The following RAPH1 variants were observed in gnomAD, a reference collection of about 807,000 sequenced individuals.
RAPH1 encodes the protein Ras association (RalGDS/AF-6) and pleckstrin homology domains 1.
A neutral mutation model predicts 88.1 loss-of-function variants in RAPH1; 18 were observed. That is an observed-to-expected ratio of 0.20 (90% CI 0.14 to 0.30). RAPH1 has a LOEUF of 0.30. Ranked by LOEUF, RAPH1 falls within the 10% of genes least tolerant of loss-of-function variation. The pLI is 1.00. For synonymous variants in RAPH1, 587 were observed against 559.0 expected (o/e 1.05, Z -0.71); for missense variants, 1,448 against 1,543.2 (o/e 0.94, Z 1.03).
At chr2:203,493,971 CAAAAAAAAAA>C (rs397937732) in intron 2 of RAPH1, among the ~76,000 whole-genome samples, 4 of 18,964 alleles carry the variant, frequency 2.1e-4, no homozygotes, top group Non-Finnish European at 3.6e-4. Flanking sequence ...GACTCTATCT[CAAAAAAAAAA>C]AAAAAAAAAA....
chr2:203,444,207 G>A (rs2098507117), intron 13 of RAPH1: 1 of 152,318 alleles, frequency 6.6e-6, no homozygotes, highest in Non-Finnish European at 1.5e-5. Flanking sequence ...GCTGAGGCAG[G>A]TGGATCTCGA....
rs866936883 is a variant in RAPH1 at position 203,506,871 on chromosome 2, T to G, written c.1-11518A>C. On this transcript the variant is annotated intron_variant, in intron 1 of 13. Coordinates refer to ENST00000319170, the MANE Select transcript of RAPH1 (RefSeq NM_213589.3). ...CTATCTATATCTATATATATATATA[T>G]ATATATATAGATATATATATATATA... 5.0e-4 allele frequency among the ~76,000 whole-genome samples: 51 copies of G among 101,944 alleles called. 1 individual carries two copies. Among genetic ancestry groups the G allele is most frequent in the Middle Eastern group, 4.4e-3 (1 of 226 alleles). The allele number at this position is 101,944 out of a possible 152,430, so 66.9% of individuals were successfully genotyped here.
At chr2:203,513,672 T>G (rs961079771) in intron 1 of RAPH1, among the ~76,000 whole-genome samples, 13 of 149,144 alleles carry the variant, frequency 8.7e-5, no homozygotes, top group African/African-American at 3.2e-4. Context: ...CCGTCTCTAC[T>G]AAAAATACAA....
chr2:203,486,185 A>G (rs1011821890), intron 4 of RAPH1, among the ~76,000 whole-genome samples: 1 of 152,204 alleles, frequency 6.6e-6, no homozygotes, highest in Non-Finnish European at 1.5e-5. Flanking sequence ...GAGAGATTTA[A>G]TCAACTGGGA....
At chr2:203,514,161 C>T (rs373812074) in intron 1 of RAPH1, among the ~76,000 whole-genome samples, 124 of 152,132 alleles carry the variant, frequency 8.2e-4, no homozygotes, top group African/African-American at 2.7e-3. Context: ...ATCTTAATTC[C>T]GGAGTAAGGT....
intron 1 of RAPH1, among the ~76,000 whole-genome samples, chr2:203,503,583 G>A (rs188202679): frequency 6.6e-6 from 1 of 152,168 alleles, no homozygotes; most frequent in Admixed American, 6.5e-5. Context: ...ATTTGGGTGG[G>A]GACACAGCCA....
rs1342012919 is a variant in RAPH1, at chr2:203,441,004, T to C, written c.2186A>G (p.Lys729Arg). ...PTPGSAMAQL[K>R]PAPCAPSLPQ... Reference sequence around the variant, plus strand: ...AAGGGATGGGGCACACGGTGCAGGCTTTAGCTGGGCCATGGCAGAGCCTGG... The same window carrying C: ...AAGGGATGGGGCACACGGTGCAGGCCTTAGCTGGGCCATGGCAGAGCCTGG... The change falls in exon 14 of 14, where the codon AAG becomes AGG. Residue 729 changes from lysine to arginine, a missense_variant. Transcript: ENST00000319170. 4.3e-6 allele frequency: 6 copies of C among 1,391,278 alleles called. No individual in the cohort carries two copies. In the African/African-American group the frequency reaches 4.7e-5, roughly 11 times the overall value. 86.2% of individuals were successfully genotyped at this position (1,391,278 alleles called of 1,614,324 possible). A position where few individuals can be genotyped will look rare whatever the true frequency, so the allele number is the denominator to read the frequency against.
chr2:203,477,251 GA>G, intron 4 of RAPH1: 1 of 900,204 alleles, frequency 1.1e-6, no homozygotes, highest in Non-Finnish European at 1.8e-6. Context: ...TCAATGAAGT[GA>G]AACAAAACAG....
At chr2:203,441,458 A>T (rs1319892373) in intron 13 of RAPH1, 45 bp from the exon 14 acceptor site, 1 of 1,491,540 alleles carries the variant, frequency 6.7e-7, no homozygotes, top group Non-Finnish European at 8.9e-7. Flanking sequence ...AAAACACAAC[A>T]AACAAAACAG....
chr2:203,440,854 G>C lies in RAPH1; in HGVS notation c.2336C>G (p.Pro779Arg). 6.5e-6 allele frequency: 10 copies of C among 1,542,850 alleles called. No individual in the cohort carries two copies. The highest frequency in any genetic ancestry group is 8.8e-6 in the Non-Finnish European group (10 of 1,137,758). The change falls in exon 14 of 14, where the codon CCA becomes CGA. Residue 779 changes from proline (P) to arginine (R), a missense_variant. Transcript: ENST00000319170. Reference sequence around the variant, plus strand: ...TGCGGGGATGGTCACAAGGGGTTTTGGGGGAGCTTGGGGAGGGAGGGGTGC... The same window carrying C: ...TGCGGGGATGGTCACAAGGGGTTTTCGGGGAGCTTGGGGAGGGAGGGGTGC... Reference protein sequence around the residue: ...IPAPLPPQAPPKPLVTIPAPT... With the variant: ...IPAPLPPQAPRKPLVTIPAPT...
chr2:203,524,427 T>A (rs1051942532), intron 1 of RAPH1, among the ~76,000 whole-genome samples: 4 of 152,252 alleles, frequency 2.6e-5, no homozygotes, highest in Admixed American at 6.5e-5. Flanking sequence ...TAGGTATTCA[T>A]CCTCAAGAAA....
intron 1 of RAPH1, among the ~76,000 whole-genome samples, chr2:203,513,589 A>G (rs1689460334): frequency 6.7e-6 from 1 of 149,374 alleles, no homozygotes; most frequent in Non-Finnish European, 1.5e-5. Flanking sequence ...TAATGCCAGC[A>G]CTTTGGGAGA....
At chr2:203,443,257 C>A (rs2098505923) in intron 13 of RAPH1, 1 of 151,920 alleles carries the variant, frequency 6.6e-6, no homozygotes. Context: ...AAAAGCACCC[C>A]CCACCAAAAA....
chr2:203,456,008 C>CAAAACAAAAACA (rs144160900), intron 8 of RAPH1, among the ~76,000 whole-genome samples: 1 of 150,712 alleles, frequency 6.6e-6, no homozygotes, highest in South Asian at 2.1e-4. Flanking sequence ...GACTCTGTCT[C>CAAAACAAAAACA]AAAACAAAAA....
chr2:203,507,984 G>T (rs1204546499), intron 1 of RAPH1, among the ~76,000 whole-genome samples: 1 of 151,480 alleles, frequency 6.6e-6, no homozygotes, highest in Non-Finnish European at 1.5e-5. Flanking sequence ...AGGCTGAGGC[G>T]GGCGGATCAC....
At position 203,440,880 on chromosome 2, in the gene RAPH1, A is replaced by C; in HGVS notation, c.2310T>G (p.Pro770=). ...GGGGAGCTTGGGGAGGGAGGGGTGC[A>C]GGGATAGGAGGAGGTGGGGGGGGTG... ...PPTPPPPPPI[P]APLPPQAPPK... The change falls in exon 14 of 14, where the codon CCT becomes CCG. Residue 770 remains proline, a synonymous_variant. Coordinates refer to ENST00000319170, the MANE Select transcript of RAPH1 (RefSeq NM_213589.3). The C allele has an allele frequency of 2.2e-6, 1 of 445,576 alleles. No individual in the cohort carries two copies. The highest frequency in any genetic ancestry group is 3.2e-6 in the Non-Finnish European group (1 of 315,932). 27.6% of individuals were successfully genotyped at this position (445,576 alleles called of 1,614,324 possible).
At position 203,513,562 on chromosome 2, in the gene RAPH1, G is replaced by A. The variant is rs1347998628; in HGVS notation, c.1-18209C>T. 4.1e-5 allele frequency among the ~76,000 whole-genome samples: 6 copies of A among 146,270 alleles called. 1 individual carries two copies. In the East Asian group the frequency reaches 1.0e-3, roughly 25 times the overall value. ...AAAAAAAAAAAAAAAAAGGCCAGGCGCGGTGGCTCACACCTATAATGCCAG... is the reference window on the plus strand; with the variant it reads ...AAAAAAAAAAAAAAAAAGGCCAGGCACGGTGGCTCACACCTATAATGCCAG... On this transcript the variant is annotated intron_variant, in intron 1 of 13. Coordinates refer to ENST00000319170, the MANE Select transcript of RAPH1 (RefSeq NM_213589.3).
rs1690561184 is a variant in RAPH1, at chr2:203,535,159, C to G, written c.-49G>C. 1 of 152,340 alleles carries G rather than the reference C, an allele frequency of 6.6e-6. No homozygotes were observed. The highest frequency in any genetic ancestry group is 2.4e-5 in the African/African-American group (1 of 41,444). The allele number at this position is 152,340 out of a possible 1,614,324, so 9.4% of individuals were successfully genotyped here. A position where few individuals can be genotyped will look rare whatever the true frequency, so the allele number is the denominator to read the frequency against. ...GCGGCCCCGGGCAAGGAAACCGCCGCTCGCGCTCCTCCAGCCGCTGCCTCC... is the reference window on the plus strand; with the variant it reads ...GCGGCCCCGGGCAAGGAAACCGCCGGTCGCGCTCCTCCAGCCGCTGCCTCC... On this transcript the variant is annotated 5_prime_UTR_variant, in exon 1 of 14. Transcript: ENST00000319170.
chr2:203,516,798 C>T (rs1689628550), intron 1 of RAPH1, among the ~76,000 whole-genome samples: 1 of 151,856 alleles, frequency 6.6e-6, no homozygotes, highest in African/African-American at 2.4e-5. Context: ...CTTTGGGAGG[C>T]CAAGGCAGGC....
Sources: gnomAD v4.1 joint callset for allele counts (sites outside exome capture counted in the v4.1 genomes callset) on GRCh38, gnomAD v4.1.1 for gene constraint, MANE v1.5 for transcripts, NCBI Gene and HGNC (gene_info 2026-07-23, HGNC 2026-07-21) for gene names.